ZNF671: variants seen among roughly 807,000 people sequenced by gnomAD.
The protein encoded by ZNF671 is hypothetical protein FLJ23506.
Under a neutral mutation model 16.6 loss-of-function variants are expected in ZNF671, and 19 were observed. The ratio of observed to expected loss-of-function variants is 1.14; its 90% CI spans 0.80 to 1.68. The LOEUF (loss-of-function observed/expected upper bound fraction) is 1.68, where lower values mean the gene tolerates loss of function less well. Among genes scored for constraint, ZNF671 ranks in the 40% most tolerant of loss-of-function variants. The probability of loss-of-function intolerance (pLI) is 0.00; values close to 1 mark genes in which losing one functional copy is unlikely to be tolerated. For synonymous variants in ZNF671, 238 were observed against 236.3 expected (o/e 1.01, Z -0.06); for missense variants, 637 against 659.8 (o/e 0.97, Z 0.38).
chr19:57,722,908 AAAG>A (rs1272403989), intron 2 of ZNF671, among the ~76,000 whole-genome samples: 2 of 152,136 alleles, frequency 1.3e-5, no homozygotes, highest in African/African-American at 4.8e-5. Context: ...AAAAAAAAGA[AAAG>A]AAAATGTCAC....
In ZNF671 at chr19:57,723,195, A is replaced by T. The variant is rs1411409694; in HGVS notation, c.265+19T>A. 1 of 1,595,228 alleles carries T rather than the reference A, an allele frequency of 6.3e-7. No homozygotes were observed. The highest frequency in any genetic ancestry group is 8.5e-7 in the Non-Finnish European group (1 of 1,170,006). On this transcript the variant is annotated intron_variant, in intron 2 of 3. Coordinates refer to ENST00000317398, the MANE Select transcript of ZNF671 (RefSeq NM_024833.3). Reference sequence around the variant, plus strand: ...AGGAAGAACAGAGTGGTAAAGGCAGAAAAGCATGAGGACCTTACCCAGTGA... The same window carrying T: ...AGGAAGAACAGAGTGGTAAAGGCAGTAAAGCATGAGGACCTTACCCAGTGA...
At position 57,727,517 on chromosome 19, in the gene ZNF671, T is replaced by TG; in HGVS notation, c.11dup (p.Val5SerfsTer7). The TG allele has an allele frequency of 6.2e-7, 1 of 1,604,544 alleles. No homozygotes were observed. The highest frequency in any genetic ancestry group is 8.5e-7 in the Non-Finnish European group (1 of 1,172,842). ...GAGCATCAGACGCGTCTCGGGACAC[T>TG]GGGGACAACATCTCCTCCGCGCTTT... On this transcript the variant is annotated frameshift_variant, in exon 1 of 4. Coordinates refer to ENST00000317398, the MANE Select transcript of ZNF671 (RefSeq NM_024833.3). LOFTEE classifies it high-confidence loss of function.
rs1959333716 is a variant in ZNF671, at chr19:57,727,611, A to G, written c.-83T>C. 16 of 1,528,714 alleles carry G rather than the reference A, an allele frequency of 1.0e-5. No individual in the cohort carries two copies. The highest frequency in any genetic ancestry group is 1.3e-5 in the Non-Finnish European group (15 of 1,132,450). 94.7% of individuals were successfully genotyped at this position (1,528,714 alleles called of 1,614,324 possible). ...CGGCCAGGGACAGCCTGACAGAAAC[A>G]AAATGTCCGCTACAAGGAGGAGCCG... On this transcript the variant is annotated 5_prime_UTR_variant, in exon 1 of 4. Transcript: ENST00000317398.
intron 1 of ZNF671, among the ~76,000 whole-genome samples, chr19:57,726,323 A>T (rs927940069): frequency 4.6e-5 from 7 of 151,864 alleles, no homozygotes; most frequent in East Asian, 3.9e-4. Context: ...AAAAAATAAA[A>T]AAAATAAATA....
chr19:57,720,906 C>T lies in ZNF671; in HGVS notation c.1180G>A (p.Ala394Thr). ...LIRHQEVHTG[A>T]RPYVCSECGK... ...CATTCGCTGCATACATAAGGCCTGG[C>T]TCCTGTGTGAACTTCCTGGTGTCGA... is the stretch of plus-strand genomic sequence containing the variant. Residue 394 changes from alanine to threonine, a missense_variant, in exon 4 of 4, where the codon GCC (alanine) becomes ACC (threonine). Ala to Thr is a moderately conservative substitution (Grantham distance 58, BLOSUM62 0). Transcript: ENST00000317398. The T allele has an allele frequency of 1.2e-6, 2 of 1,614,118 alleles. No homozygotes were observed. Among genetic ancestry groups the T allele is most frequent in the Admixed American group, 1.7e-5 (1 of 60,016 alleles).
intron 1 of ZNF671, among the ~76,000 whole-genome samples, chr19:57,723,881 A>G (rs891706351): frequency 6.6e-6 from 1 of 151,572 alleles, no homozygotes; most frequent in African/African-American, 2.4e-5. Flanking sequence ...AAAAAAAAAA[A>G]AAAAATACAA....
Position 57,720,678 on chromosome 19 carries a change from G to A in ZNF671, c.1408C>T (p.Gln470Ter). 6.2e-7 allele frequency: 1 copy of A among 1,614,164 alleles called. No homozygotes were observed. The highest frequency in any genetic ancestry group is 8.5e-7 in the Non-Finnish European group (1 of 1,180,034). ...FSCISKLIQHQKVHSGEKPYE... is the reference protein window; with the variant it reads ...FSCISKLIQH The stretch of plus-strand genomic sequence containing the variant: ...GGCTTTTCTCCAGAGTGAACTTTCT[G>A]GTGCTGAATGAGTTTGGAGATGCAG... Residue 470 changes from glutamine to a stop codon, truncating the protein, a stop_gained, in exon 4 of 4, where the codon CAG becomes TAG. Coordinates refer to ENST00000317398, the MANE Select transcript of ZNF671 (RefSeq NM_024833.3). LOFTEE classifies it low-confidence loss of function (END_TRUNC).
chr19:57,724,594 T>C (rs1262732829), intron 1 of ZNF671, among the ~76,000 whole-genome samples: 1 of 151,898 alleles, frequency 6.6e-6, no homozygotes. Context: ...GGCACGATCT[T>C]GGCTCACTGC....
At position 57,722,521 on chromosome 19, in the gene ZNF671, A is replaced by G. The variant is rs1985916617; in HGVS notation, c.266-83T>C. Reference sequence around the variant, plus strand: ...TGATGGACTTCAGGTAAGAAAAATAACCTGGGAGGAGTTGTGCAGGAATAA... The same window carrying G: ...TGATGGACTTCAGGTAAGAAAAATAGCCTGGGAGGAGTTGTGCAGGAATAA... On this transcript the variant is annotated intron_variant, in intron 2 of 3. Coordinates refer to ENST00000317398, the MANE Select transcript of ZNF671 (RefSeq NM_024833.3). 1.1e-5 allele frequency: 18 copies of G among 1,576,112 alleles called. No individual in the cohort carries two copies. The South Asian group carries it at 2.1e-4, about 18-fold the overall frequency.
intron 1 of ZNF671, among the ~76,000 whole-genome samples, chr19:57,724,915 G>A (rs1985994509): frequency 6.6e-6 from 1 of 152,144 alleles, no homozygotes; most frequent in Non-Finnish European, 1.5e-5. Context: ...GAAAACGGAA[G>A]AAACTGGAAC....
At position 57,720,814 on chromosome 19, in the gene ZNF671, A is replaced by G. The variant is rs1242854300; in HGVS notation, c.1272T>C (p.Pro424=). ...CCTTCCCACATTCACTGCACTCATA[A>G]GGCCTTTCTCCAGTGTGAGTTCGTT... is the stretch of plus-strand genomic sequence containing the variant. The part of the protein sequence containing the change: ...LHQRTHTGER[P]YECSECGKAF... Residue 424 remains proline, a synonymous_variant, in exon 4 of 4, where the codon CCT becomes CCC. Transcript: ENST00000317398. The G allele has an allele frequency of 6.2e-7, 1 of 1,614,156 alleles. No homozygotes were observed. The highest frequency in any genetic ancestry group is 1.3e-5 in the African/African-American group (1 of 75,028).
Position 57,727,515 on chromosome 19 carries a change from A to G in ZNF671, c.14T>C (p.Val5Ala). 6.2e-7 allele frequency: 1 copy of G among 1,604,726 alleles called. No homozygotes were observed. The highest frequency in any genetic ancestry group is 8.5e-7 in the Non-Finnish European group (1 of 1,172,924). Residue 5 changes from valine (V) to alanine (A), a missense_variant, in exon 1 of 4, where the codon GTG becomes GCG. Physicochemically the swap from Val to Ala is moderately conservative, Grantham distance 64. Transcript: ENST00000317398. MLSP[V>A]SRDASDALQG... is the part of the protein sequence containing the mutation. ...CAGAGCATCAGACGCGTCTCGGGAC[A>G]CTGGGGACAACATCTCCTCCGCGCT...
rs1266482940 is a variant in ZNF671, at chr19:57,722,506, C to A, written c.266-68G>T. ...TGGCAAACCACCCTATGATGGACTT[C>A]AGGTAAGAAAAATAACCTGGGAGGA... On this transcript the variant is annotated intron_variant, in intron 2 of 3. Coordinates refer to ENST00000317398, the MANE Select transcript of ZNF671 (RefSeq NM_024833.3). 3 of 1,591,326 alleles carry A rather than the reference C, an allele frequency of 1.9e-6. No homozygotes were observed. In the African/African-American group the frequency reaches 4.0e-5, roughly 21 times the overall value.
chr19:57,727,233 G>A, intron 1 of ZNF671, 158 bp downstream of exon 1: 2 of 1,066,252 alleles, frequency 1.9e-6, no homozygotes, highest in Non-Finnish European at 2.6e-6. Flanking sequence ...CTTTACCTGC[G>A]CCGTCCCCTC....
In ZNF671 at chr19:57,720,704, C is replaced by T; in HGVS notation, c.1382G>A (p.Ser461Asn). 6.2e-7 allele frequency: 1 copy of T among 1,614,210 alleles called. No homozygotes were observed. Among genetic ancestry groups the T allele is most frequent in the Non-Finnish European group, 8.5e-7 (1 of 1,180,046 alleles). The change falls in exon 4 of 4, where the codon AGC becomes AAC. Residue 461 changes from serine to asparagine, a missense_variant. Physicochemically the swap from Ser to Asn is conservative, Grantham distance 46. Transcript: ENST00000317398. The stretch of plus-strand genomic sequence containing the variant: ...GTGCTGAATGAGTTTGGAGATGCAG[C>T]TGAAAGCTTTACCACATCTGCTACA... ...YECSRCGKAF[S>N]CISKLIQHQK...
intron 1 of ZNF671, 108 bp from the exon 2 acceptor site, chr19:57,723,448 A>T: frequency 7.4e-7 from 1 of 1,352,638 alleles, no homozygotes; most frequent in Non-Finnish European, 1.0e-6. Context: ...CCCAAGTCAG[A>T]GATACCAGGC....
At chr19:57,724,022 G>T (rs527904468) in intron 1 of ZNF671, among the ~76,000 whole-genome samples, 16 of 143,106 alleles carry the variant, frequency 1.1e-4, no homozygotes, top group Non-Finnish European at 1.6e-4. Flanking sequence ...CCAGTCTGGC[G>T]ACAGAGTGAG....
chr19:57,727,102 G>T, intron 1 of ZNF671: 1 of 343,348 alleles, frequency 2.9e-6, no homozygotes. Flanking sequence ...TAATCTCAAC[G>T]CCCTCAGAAT....
In ZNF671 at chr19:57,720,631, C is replaced by T. The variant is rs1182361030; in HGVS notation, c.1455G>A (p.Gly485=). 3.1e-6 allele frequency: 5 copies of T among 1,614,098 alleles called. No homozygotes were observed. The African/African-American group carries it at 6.7e-5, about 22-fold the overall frequency. Residue 485 remains glycine, a synonymous_variant, in exon 4 of 4, where the codon GGG becomes GGA. Transcript: ENST00000317398. The part of the protein sequence containing the change: ...GEKPYECSKC[G]KAFTQRPNLI... ...GGTTGGGTCTTTGAGTGAAGGCTTT[C>T]CCGCACTTGCTGCACTCATAAGGCT...
Sources: allele counts gnomAD v4.1 joint callset (sites outside exome capture counted in the v4.1 genomes callset), GRCh38; gene constraint gnomAD v4.1.1; transcripts MANE v1.5; gene names NCBI Gene and HGNC (gene_info 2026-07-23, HGNC 2026-07-21).